The following IGSF11 variants were observed in gnomAD, a reference collection of about 807,000 sequenced individuals.
IGSF11 encodes immunoglobulin superfamily member 11, also known as CXADR like 1.
Under a neutral mutation model 41.0 loss-of-function variants are expected in IGSF11, and 22 were observed. The ratio of observed to expected loss-of-function variants is 0.54; its 90% CI spans 0.38 to 0.77. IGSF11 has a LOEUF of 0.77. IGSF11 is among the 30% of genes least tolerant of loss of function. The pLI is 0.00. For synonymous variants in IGSF11, 219 were observed against 201.3 expected (o/e 1.09, Z -0.74); for missense variants, 444 against 530.8 (o/e 0.84, Z 1.61).
chr3:118,923,964 A>G (rs1452902052), intron 4 of IGSF11, among the ~76,000 whole-genome samples: 1 of 152,088 alleles, frequency 6.6e-6, no homozygotes, highest in Non-Finnish European at 1.5e-5. Context: ...TTAATAAGCA[A>G]TTTGTGGGGA....
upstream of IGSF11, among the ~76,000 whole-genome samples, chr3:119,035,213 C>T (rs1188755198): frequency 6.6e-6 from 1 of 152,234 alleles, no homozygotes; most frequent in Non-Finnish European, 1.5e-5. Flanking sequence ...CCACAGCCTT[C>T]CTCTGAGCCT....
At chr3:118,911,990 A>C (rs1940378904) in intron 4 of IGSF11, among the ~76,000 whole-genome samples, 1 of 152,216 alleles carries the variant, frequency 6.6e-6, no homozygotes. Flanking sequence ...TAAATTATGA[A>C]AGGATGAGGA....
At chr3:119,012,798 C>G (rs1938281871) in intron 1 of IGSF11, 1 of 152,248 alleles carries the variant, frequency 6.6e-6, no homozygotes. Context: ...ACCACGACAG[C>G]CTCAACTGAT....
At chr3:119,001,824 G>C (rs1480511264) in intron 1 of IGSF11, among the ~76,000 whole-genome samples, 1 of 139,294 alleles carries the variant, frequency 7.2e-6, no homozygotes, top group African/African-American at 2.9e-5. Context: ...TGGCTGCATA[G>C]TATTCCATGG....
At chr3:119,027,254 C>G (rs1465578119) in intron 1 of IGSF11, among the ~76,000 whole-genome samples, 1 of 152,174 alleles carries the variant, frequency 6.6e-6, no homozygotes, top group Non-Finnish European at 1.5e-5. Context: ...GATATGGTTT[C>G]TGGTTCCACA....
intron 1 of IGSF11, among the ~76,000 whole-genome samples, chr3:118,953,915 A>T (rs1944772050): frequency 6.6e-6 from 1 of 152,060 alleles, no homozygotes; most frequent in Non-Finnish European, 1.5e-5. Flanking sequence ...ATTAAGTCCC[A>T]TCTATTTATC....
intron 1 of IGSF11, 103 bp from the exon 2 acceptor site, chr3:118,930,378 T>C: frequency 9.1e-7 from 1 of 1,101,738 alleles, no homozygotes; most frequent in Non-Finnish European, 1.3e-6. Flanking sequence ...TATTATTGAT[T>C]ATGTGAACAG....
chr3:119,110,928 T>C (rs979982386), intron 1 of IGSF11, among the ~76,000 whole-genome samples: 3 of 151,920 alleles, frequency 2.0e-5, no homozygotes, highest in Admixed American at 1.3e-4. Context: ...CCCCACTCTC[T>C]TCTGGCTTGT....
chr3:119,017,740 CAG>C (rs1938866462), intron 1 of IGSF11, among the ~76,000 whole-genome samples: 1 of 149,656 alleles, frequency 6.7e-6, no homozygotes, highest in South Asian at 2.1e-4. Flanking sequence ...ATTATAAACT[CAG>C]TGGAGGCAAG....
intron 4 of IGSF11, among the ~76,000 whole-genome samples, chr3:118,921,731 T>C (rs1248639269): frequency 6.6e-6 from 1 of 152,136 alleles, no homozygotes; most frequent in Admixed American, 6.5e-5. Context: ...TCTGTTTTTG[T>C]ATAGAGAATT....
At chr3:119,050,914 C>T (rs1226196580) in intron 1 of IGSF11, among the ~76,000 whole-genome samples, 1 of 148,206 alleles carries the variant, frequency 6.7e-6, no homozygotes, top group Non-Finnish European at 1.5e-5. Context: ...CCAAACACCG[C>T]ATATTCTCAC....
chr3:118,991,279 A>G (rs2107652523), intron 1 of IGSF11, among the ~76,000 whole-genome samples: 1 of 152,320 alleles, frequency 6.6e-6, no homozygotes, highest in Admixed American at 6.5e-5. Flanking sequence ...AACACCACTT[A>G]TCATAACACT....
chr3:118,936,006 T>C (rs986097428), intron 1 of IGSF11, among the ~76,000 whole-genome samples: 1 of 152,262 alleles, frequency 6.6e-6, no homozygotes, highest in South Asian at 2.1e-4. Context: ...AGTATATTGA[T>C]AGAACTATGT....
chr3:119,136,874 T>C (rs1405929875), intron 1 of IGSF11, among the ~76,000 whole-genome samples: 1 of 152,044 alleles, frequency 6.6e-6, no homozygotes, highest in African/African-American at 2.4e-5. Flanking sequence ...ATAAACAAAT[T>C]TAGTAAAGAT....
intron 1 of IGSF11, among the ~76,000 whole-genome samples, chr3:119,094,116 T>C (rs538505343): frequency 1.3e-5 from 2 of 148,654 alleles, no homozygotes; most frequent in South Asian, 4.3e-4. Context: ...TAGTTACAGT[T>C]GATAAAAATT....
intron 1 of IGSF11, among the ~76,000 whole-genome samples, chr3:119,021,245 AT>A (rs1939253927): frequency 1.3e-5 from 2 of 152,184 alleles, no homozygotes; most frequent in African/African-American, 4.8e-5. Context: ...TTTAAAACAA[AT>A]TACTATATAA....
chr3:119,132,284 A>T (rs1467099019), intron 1 of IGSF11, among the ~76,000 whole-genome samples: 1 of 147,928 alleles, frequency 6.8e-6, no homozygotes, highest in Non-Finnish European at 1.5e-5. Context: ...AAGACCCATC[A>T]GTGTGCTATA....
chr3:119,022,032 A>G (rs1421303149), intron 1 of IGSF11, among the ~76,000 whole-genome samples: 1 of 152,210 alleles, frequency 6.6e-6, no homozygotes, highest in Admixed American at 6.5e-5. Flanking sequence ...AAGAAGCCCA[A>G]GTATCCGTCA....
Position 118,902,447 on chromosome 3 carries a change from TCCCC to T in IGSF11, c.*69_*72del. The T allele has an allele frequency of 5.3e-6, 3 of 563,912 alleles. No homozygotes were observed. The highest frequency in any genetic ancestry group is 1.0e-5 in the Non-Finnish European group (3 of 298,018). 34.9% of individuals were successfully genotyped at this position (563,912 alleles called of 1,614,324 possible). A position where few individuals can be genotyped will look rare whatever the true frequency, so the allele number is the denominator to read the frequency against. ...TAAGGAAGTGTTTCTTTCCCAGCACTCCCCACCCCACCCTCCCCCTTGTATGAGG... is the reference window on the plus strand; with the variant it reads ...TAAGGAAGTGTTTCTTTCCCAGCACTACCCCACCCTCCCCCTTGTATGAGG... On this transcript the variant is annotated 3_prime_UTR_variant, in exon 7 of 7. Coordinates refer to ENST00000393775, the MANE Select transcript of IGSF11 (RefSeq NM_001015887.3).
Sources: allele counts gnomAD v4.1 joint callset (sites outside exome capture counted in the v4.1 genomes callset), GRCh38; gene constraint gnomAD v4.1.1; transcripts MANE v1.5; gene names NCBI Gene and HGNC (gene_info 2026-07-23, HGNC 2026-07-21).